Variants in SEMA5B observed in about 807,000 individuals in gnomAD.
The protein encoded by SEMA5B is semaphorin-5B.
In SEMA5B, 66 loss-of-function variants were observed where a neutral mutation model predicts 135.0. That is an observed-to-expected ratio of 0.49 (90% CI 0.40 to 0.60). The LOEUF is 0.60. Ranked by LOEUF, SEMA5B falls within the 20% of genes least tolerant of loss-of-function variation. SEMA5B has a pLI of 0.00. For missense variants in SEMA5B, 1,501 were observed against 1,566.3 expected (o/e 0.96, Z 0.70); for synonymous variants, 690 against 639.5 (o/e 1.08, Z -1.19).
rs571259526 is a variant in SEMA5B at position 122,909,885 on chromosome 3, G to A, written c.*258C>T. 5.4e-5 allele frequency: 24 copies of A among 442,132 alleles called. No individual in the cohort carries two copies. Among genetic ancestry groups the A allele is most frequent in the South Asian group, 1.9e-4 (5 of 26,524 alleles). 27.4% of individuals were successfully genotyped at this position (442,132 alleles called of 1,614,324 possible). On this transcript the variant is annotated 3_prime_UTR_variant, in exon 23 of 23. Transcript: ENST00000357599. ...CCAGGCATGGCAGCATAGTGTCAGC[G>A]TGACAGTGGGTTGGAAGATAACCAT...
Position 122,973,588 on chromosome 3 carries a change from C to A in SEMA5B, c.-38-12287G>T, listed in dbSNP as rs149614615. ...GTCGTGAAATGGACAGAGTTTTGTT[C>A]CTTTTGGTTTATGTTATCGCAGTTA... On this transcript the variant is annotated intron_variant, in intron 1 of 22. Coordinates refer to ENST00000357599, the MANE Select transcript of SEMA5B (RefSeq NM_001031702.4). 3.0e-3 allele frequency among the ~76,000 whole-genome samples: 451 copies of A among 152,286 alleles called. 4 individuals are homozygous for A. The highest frequency in any genetic ancestry group is 9.2e-3 in the African/African-American group (382 of 41,564).
intron 13 of SEMA5B, 34 bp downstream of exon 13, chr3:122,915,739 G>A: frequency 3.1e-6 from 5 of 1,606,016 alleles, no homozygotes; most frequent in Non-Finnish European, 4.3e-6. Context: ...TTGAAGGAGG[G>A]GTCTGAGATG....
chr3:122,913,506 G>A (rs766829238), intron 16 of SEMA5B, 28 bp downstream of exon 16: 1 of 1,600,438 alleles, frequency 6.2e-7, no homozygotes, highest in East Asian at 2.2e-5. Flanking sequence ...CCTACACCGC[G>A]CCCCTGGCCC....
chr3:122,926,343 G>T (rs1298679490), intron 9 of SEMA5B, 49 bp downstream of exon 9: 2 of 1,558,672 alleles, frequency 1.3e-6, no homozygotes, highest in African/African-American at 1.3e-5. Context: ...ATGAGGCCAG[G>T]CCAGCTCCTG....
intron 1 of SEMA5B, among the ~76,000 whole-genome samples, chr3:123,008,391 C>A (rs1247074703): frequency 2.0e-5 from 3 of 152,198 alleles, no homozygotes; most frequent in South Asian, 4.1e-4. Flanking sequence ...GAGTATTCGG[C>A]ACCTGTAGAT....
At chr3:122,972,906 C>A (rs1292051003) in intron 1 of SEMA5B, among the ~76,000 whole-genome samples, 1 of 152,208 alleles carries the variant, frequency 6.6e-6, no homozygotes, top group African/African-American at 2.4e-5. Context: ...CACCCCGCAG[C>A]CTATCCAGGC....
At chr3:122,928,223 C>A (rs1162887320) in intron 7 of SEMA5B, among the ~76,000 whole-genome samples, 1 of 152,194 alleles carries the variant, frequency 6.6e-6, no homozygotes, top group Non-Finnish European at 1.5e-5. Context: ...CCAGTCAGGA[C>A]CCTCCAAGGT....
intron 12 of SEMA5B, among the ~76,000 whole-genome samples, chr3:122,918,654 T>G (rs1938193608): frequency 1.3e-5 from 2 of 152,298 alleles, no homozygotes; most frequent in African/African-American, 4.8e-5. Context: ...TGCCCTCAAT[T>G]AAGTCCCAGA....
intron 9 of SEMA5B, among the ~76,000 whole-genome samples, chr3:122,925,752 C>T (rs553801518): frequency 1.6e-4 from 24 of 151,960 alleles, no homozygotes; most frequent in African/African-American, 5.8e-4. Context: ...TGTGTTGGGC[C>T]TCATTCAAAG....
At chr3:122,911,312 C>T in intron 21 of SEMA5B, 179 bp downstream of exon 21, 5 of 1,508,812 alleles carry the variant, frequency 3.3e-6, no homozygotes, top group Admixed American at 2.0e-5. Context: ...ATGATGGCCT[C>T]CTAGCTGGGG....
At chr3:122,990,618 C>A (rs1167853156) in intron 1 of SEMA5B, among the ~76,000 whole-genome samples, 1 of 152,148 alleles carries the variant, frequency 6.6e-6, no homozygotes, top group Admixed American at 6.5e-5. Flanking sequence ...CATGTGCACA[C>A]ACACACACAC....
At chr3:122,921,539 T>C (rs1158412751) in intron 12 of SEMA5B, among the ~76,000 whole-genome samples, 1 of 152,166 alleles carries the variant, frequency 6.6e-6, no homozygotes, top group Non-Finnish European at 1.5e-5. Flanking sequence ...CAATAAGTGC[T>C]GTGGCTTCAA....
intron 1 of SEMA5B, among the ~76,000 whole-genome samples, chr3:122,984,942 A>AC (rs1941648151): frequency 6.6e-6 from 1 of 152,200 alleles, no homozygotes; most frequent in Non-Finnish European, 1.5e-5. Flanking sequence ...ACACGATTTC[A>AC]AATACGTTTC....
intron 5 of SEMA5B, among the ~76,000 whole-genome samples, chr3:122,931,900 G>A (rs778889466): frequency 4.6e-5 from 7 of 152,310 alleles, no homozygotes; most frequent in South Asian, 4.2e-4. Context: ...CTGAAACGTC[G>A]AGGGGTTGCT....
intron 18 of SEMA5B, among the ~76,000 whole-genome samples, 187 bp from the exon 19 acceptor site, chr3:122,912,529 G>T (rs187153701): frequency 1.3e-5 from 2 of 151,906 alleles, no homozygotes; most frequent in African/African-American, 4.8e-5. Flanking sequence ...TGAGGGAAAC[G>T]CAGGAAGCAG....
chr3:122,961,029 T>C, intron 2 of SEMA5B, 111 bp downstream of exon 2: 1 of 1,124,314 alleles, frequency 8.9e-7, no homozygotes, highest in Non-Finnish European at 1.3e-6. Context: ...TACAGTGGAC[T>C]GAGGTCCTAG....
At chr3:122,969,366 A>C (rs2107638585) in intron 1 of SEMA5B, among the ~76,000 whole-genome samples, 1 of 152,290 alleles carries the variant, frequency 6.6e-6, no homozygotes, top group African/African-American at 2.4e-5. Context: ...CTGTGGGGGC[A>C]CAGAGAAGGG....
In SEMA5B at chr3:122,913,628, C is replaced by T. The variant is rs757520919; in HGVS notation, c.2186G>A (p.Gly729Asp). The change falls in exon 16 of 23, where the codon GGC becomes GAC. Residue 729 changes from glycine to aspartate, a missense_variant. Coordinates refer to ENST00000357599, the MANE Select transcript of SEMA5B (RefSeq NM_001031702.4). ...GTTGCTGCTGCACTTGCTCCAGGAG[C>T]CCCAGGAAGCCCAGAAGATGGGCAC... ...CPVPIFWASWGSWSKCSSNCG... is the reference protein window; with the variant it reads ...CPVPIFWASWDSWSKCSSNCG... The T allele has an allele frequency of 5.6e-6, 9 of 1,613,382 alleles. No homozygotes were observed. In the Admixed American group the frequency reaches 1.5e-4, roughly 27 times the overall value.
intron 2 of SEMA5B, among the ~76,000 whole-genome samples, chr3:122,950,515 G>T (rs1280778325): frequency 6.6e-6 from 1 of 152,230 alleles, no homozygotes; most frequent in Admixed American, 6.5e-5. Flanking sequence ...GAAATGCAGA[G>T]ATTTGAGAGT....
Sources: gnomAD v4.1 joint callset for allele counts (sites outside exome capture counted in the v4.1 genomes callset) on GRCh38, gnomAD v4.1.1 for gene constraint, MANE v1.5 for transcripts, NCBI Gene and HGNC (gene_info 2026-07-23, HGNC 2026-07-21) for gene names.